The following BATF2 variants were observed in gnomAD, a reference collection of about 807,000 sequenced individuals.
The protein encoded by BATF2 is basic leucine zipper ATF-like transcription factor 2.
A neutral mutation model predicts 7.3 loss-of-function variants in BATF2; 4 were observed. That is an observed-to-expected ratio of 0.55 (90% CI 0.27 to 1.26). The LOEUF is 1.26. Among genes scored for constraint, BATF2 ranks in the 50% most tolerant of loss-of-function variants. BATF2 has a pLI of 0.11. For missense variants in BATF2, 295 were observed against 340.5 expected, an observed-to-expected ratio of 0.87 and a Z score of 1.05; for synonymous variants, 152 against 153.9, an observed-to-expected ratio of 0.99 and a Z score of 0.09.
At chr11:64,990,678 A>C in intron 2 of BATF2, 169 of 920,178 alleles carry the variant, frequency 1.8e-4, no homozygotes, top group Middle Eastern at 5.6e-4. Context: ...TCCACATCTC[A>C]CAGGGCTGAA....
rs368364133 is a variant in BATF2 at position 64,994,498 on chromosome 11, C to T, written c.91G>A (p.Ala31Thr). The change falls in exon 2 of 3, where the codon GCC becomes ACC. Residue 31 changes from alanine (A) to threonine (T), a missense_variant. By Grantham distance (58) the Ala-to-Thr change is moderately conservative (BLOSUM62 0). Coordinates refer to ENST00000301887, the MANE Select transcript of BATF2 (RefSeq NM_138456.4). The stretch of plus-strand genomic sequence containing the variant: ...GTGTGCTTCTGCCGGCTTCGCTGGG[C>T]GGCTGCCCGGTTCTTCTGCTTCTTC... ...QLKKQKNRAAAQRSRQKHTDK... is the reference protein window; with the variant it reads ...QLKKQKNRAATQRSRQKHTDK... The T allele has an allele frequency of 4.3e-5, 69 of 1,603,238 alleles. No homozygotes were observed. The highest frequency in any genetic ancestry group is 2.4e-4 in the South Asian group (21 of 89,126).
chr11:64,992,095 G>A (rs770099448), intron 2 of BATF2, among the ~76,000 whole-genome samples: 3 of 151,920 alleles, frequency 2.0e-5, no homozygotes, highest in Admixed American at 6.6e-5. Flanking sequence ...GCAGTGGCAC[G>A]ACCTCAGCTC....
intron 1 of BATF2, 66 bp from the exon 2 acceptor site, chr11:64,994,615 C>A: frequency 6.9e-7 from 1 of 1,451,950 alleles, no homozygotes; most frequent in East Asian, 2.5e-5. Flanking sequence ...TCCTGGCCCG[C>A]CATTTGTAAA....
chr11:64,992,305 A>G (rs1212452716), intron 2 of BATF2, among the ~76,000 whole-genome samples: 3 of 151,830 alleles, frequency 2.0e-5, no homozygotes, highest in Admixed American at 2.0e-4. Context: ...GCCAACAAGT[A>G]ATCCACCCAC....
At chr11:64,993,641 G>A (rs1264982815) in intron 2 of BATF2, among the ~76,000 whole-genome samples, 1 of 152,106 alleles carries the variant, frequency 6.6e-6, no homozygotes, top group Non-Finnish European at 1.5e-5. Flanking sequence ...AACTGGGACT[G>A]GAAACCCTGC....
chr11:64,994,855 T>C (rs1006045245), intron 1 of BATF2, among the ~76,000 whole-genome samples: 3 of 151,158 alleles, frequency 2.0e-5, no homozygotes, highest in Non-Finnish European at 4.4e-5. Context: ...TCTTTTTTCC[T>C]TTTTTTTTGA....
At chr11:64,990,489 G>A in intron 2 of BATF2, 1 of 1,209,576 alleles carries the variant, frequency 8.3e-7, no homozygotes, top group Non-Finnish European at 1.0e-6. Context: ...GAGGATTCAG[G>A]GGATTGTTTT....
At chr11:64,993,625 A>G (rs561922061) in intron 2 of BATF2, among the ~76,000 whole-genome samples, 12 of 152,232 alleles carry the variant, frequency 7.9e-5, no homozygotes, top group African/African-American at 2.6e-4. Flanking sequence ...AAAGGAAGCA[A>G]CTTGCAACTG....
intron 1 of BATF2, among the ~76,000 whole-genome samples, chr11:64,996,415 C>G (rs1946110539): frequency 6.6e-6 from 1 of 151,978 alleles, no homozygotes; most frequent in Non-Finnish European, 1.5e-5. Context: ...CCCTGCCACA[C>G]CTGGCTAATT....
At chr11:64,994,322 A>G in intron 2 of BATF2, 126 bp downstream of exon 2, 2 of 936,038 alleles carry the variant, frequency 2.1e-6, no homozygotes, top group Non-Finnish European at 3.3e-6. Flanking sequence ...TTCTCATCCC[A>G]AACTCAGGTG....
chr11:64,991,748 G>A (rs993736885), intron 2 of BATF2, among the ~76,000 whole-genome samples: 1 of 152,062 alleles, frequency 6.6e-6, no homozygotes, highest in African/African-American at 2.4e-5. Flanking sequence ...GCTGGGGTGG[G>A]CGTTTGTCTA....
chr11:64,996,729 G>C, intron 1 of BATF2, 147 bp downstream of exon 1: 1 of 936,476 alleles, frequency 1.1e-6, no homozygotes, highest in Admixed American at 2.8e-5. Context: ...GTGAGACCCA[G>C]AGAGGGGCAT....
Position 64,989,123 on chromosome 11 carries a change from AC to A in BATF2, c.*5del. The stretch of plus-strand genomic sequence containing the variant: ...AGAAGGGGCCAACCCAGCTCCGAAG[AC>A]CAGGTTAGAAGTGGACTTGAGCAGA... On this transcript the variant is annotated 3_prime_UTR_variant, in exon 3 of 3. Transcript: ENST00000301887. The surrounding 1 kb of genome is among the most constrained non-coding windows in gnomAD (Gnocchi z 4.3). The A allele has an allele frequency of 1.2e-6, 2 of 1,614,082 alleles. No homozygotes were observed. The highest frequency in any genetic ancestry group is 1.7e-6 in the Non-Finnish European group (2 of 1,179,996).
At chr11:64,996,448 G>C (rs924780982) in intron 1 of BATF2, among the ~76,000 whole-genome samples, 62 of 152,126 alleles carry the variant, frequency 4.1e-4, no homozygotes, top group African/African-American at 1.5e-3. Context: ...GTAGAGACGG[G>C]GTTTCGCCAT....
intron 1 of BATF2, among the ~76,000 whole-genome samples, chr11:64,995,187 C>T (rs192675284): frequency 6.6e-6 from 1 of 152,248 alleles, no homozygotes; most frequent in African/African-American, 2.4e-5. Context: ...ACCCAATCGC[C>T]CCATCCCTGC....
chr11:64,992,011 G>C (rs756521447), intron 2 of BATF2, among the ~76,000 whole-genome samples: 2 of 152,054 alleles, frequency 1.3e-5, no homozygotes, highest in South Asian at 2.1e-4. Context: ...TTAAGCTCAG[G>C]CTTCATCGCC....
At chr11:64,990,428 A>AT in intron 2 of BATF2, 1 of 1,342,070 alleles carries the variant, frequency 7.5e-7, no homozygotes, top group Non-Finnish European at 9.6e-7. Context: ...TAGATTGCTT[A>AT]TTGCCACTGC....
chr11:64,989,882 C>A lies in BATF2; in HGVS notation c.142-70G>T, dbSNP rs1337830209. On this transcript the variant is annotated intron_variant, in intron 2 of 2. Coordinates refer to ENST00000301887, the MANE Select transcript of BATF2 (RefSeq NM_138456.4). The surrounding 1 kb of genome is among the most constrained non-coding windows in gnomAD (Gnocchi z 4.3). The stretch of plus-strand genomic sequence containing the variant: ...CAGGGGCCCCGCATGAGCCTTAGCC[C>A]CTTCCAGGGTCCTCAACTTCAGGAG... The A allele has an allele frequency of 5.2e-6, 8 of 1,548,922 alleles. No homozygotes were observed. Among genetic ancestry groups the A allele is most frequent in the Non-Finnish European group, 5.3e-6 (6 of 1,134,268 alleles).
Position 64,989,832 on chromosome 11 carries a change from C to T in BATF2, c.142-20G>A, listed in dbSNP as rs775910777. 43 of 1,612,162 alleles carry T rather than the reference C, an allele frequency of 2.7e-5. No individual in the cohort carries two copies. The highest frequency in any genetic ancestry group is 1.8e-4 in the Admixed American group (11 of 59,864). On this transcript the variant is annotated intron_variant, in intron 2 of 2. Coordinates refer to ENST00000301887, the MANE Select transcript of BATF2 (RefSeq NM_138456.4). This position sits in a 1 kb window ranked among gnomAD's most constrained non-coding sequence, Gnocchi z 4.3. ...GTGCTGCTGCAGAGAAGCAGATGGG[C>T]GGGGAGGGGAACCTCAGCCAGTGTC...
Sources: allele counts gnomAD v4.1 joint callset (sites outside exome capture counted in the v4.1 genomes callset), GRCh38; gene constraint gnomAD v4.1.1; non-coding constraint Gnocchi (gnomAD v3.1); transcripts MANE v1.5; gene names NCBI Gene and HGNC (gene_info 2026-07-23, HGNC 2026-07-21).